Variants in NRXN3 observed in about 807,000 individuals in gnomAD.
NRXN3 encodes the protein neurexin III.
Under a neutral mutation model 137.6 loss-of-function variants are expected in NRXN3, and 32 were observed. That is an observed-to-expected ratio of 0.23 (90% CI 0.18 to 0.31). The LOEUF (loss-of-function observed/expected upper bound fraction) is 0.31, where lower values mean the gene tolerates loss of function less well. Among genes scored for constraint, NRXN3 ranks in the 10% least tolerant of loss-of-function variants. The pLI is 1.00. For synonymous variants in NRXN3, 798 were observed against 784.5 expected (o/e 1.02, Z -0.29); for missense variants, 1,574 against 2,062.5 (o/e 0.76, Z 4.59).
chr14:79,620,717 T>C (rs1461895002), intron 16 of NRXN3, among the ~76,000 whole-genome samples: 19 of 152,046 alleles, frequency 1.2e-4, no homozygotes, highest in Non-Finnish European at 2.9e-5. Flanking sequence ...TTTGAGATGA[T>C]AGAGAAACAG....
At chr14:78,513,947 A>G (rs951822341) in intron 4 of NRXN3, among the ~76,000 whole-genome samples, 1 of 152,098 alleles carries the variant, frequency 6.6e-6, no homozygotes, top group African/African-American at 2.4e-5. Flanking sequence ...TTCTTAAGGC[A>G]TGTTGTGTTC....
chr14:79,126,342 C>A (rs10133459), intron 15 of NRXN3, among the ~76,000 whole-genome samples: 135,201 of 137,434 alleles, frequency 0.98, 66,508 homozygotes, highest in African/African-American at 0.99. Flanking sequence ...ACCCCACGAC[C>A]GTCCCCAGAG....
chr14:79,858,663 C>T (rs1049947475), intron 20 of NRXN3, among the ~76,000 whole-genome samples: 1 of 152,084 alleles, frequency 6.6e-6, no homozygotes, highest in Non-Finnish European at 1.5e-5. Context: ...CTGCCTTGTC[C>T]TCTGAAGGTA....
chr14:78,986,157 C>T (rs972035762), intron 14 of NRXN3, among the ~76,000 whole-genome samples: 5 of 152,038 alleles, frequency 3.3e-5, no homozygotes, highest in Non-Finnish European at 5.9e-5. Flanking sequence ...AGTATTCTTG[C>T]TTTTGTGAGG....
intron 15 of NRXN3, among the ~76,000 whole-genome samples, chr14:79,356,072 T>G (rs1372172176): frequency 2.0e-5 from 3 of 152,166 alleles, no homozygotes; most frequent in Admixed American, 1.3e-4. Flanking sequence ...AAAATTAGTT[T>G]TGTATTTTTT....
chr14:79,405,626 T>C (rs911331809), intron 15 of NRXN3, among the ~76,000 whole-genome samples: 12 of 152,128 alleles, frequency 7.9e-5, no homozygotes, highest in Non-Finnish European at 1.2e-4. Flanking sequence ...ATGAGGTTTA[T>C]TGTTGAGGAA....
chr14:79,518,154 T>G (rs920605932), intron 16 of NRXN3, among the ~76,000 whole-genome samples: 36 of 151,982 alleles, frequency 2.4e-4, no homozygotes, highest in African/African-American at 8.2e-4. Flanking sequence ...ATCCACCCGC[T>G]TCAGCCTCCC....
chr14:78,920,801 G>A (rs1388568597), intron 10 of NRXN3, among the ~76,000 whole-genome samples: 1 of 152,136 alleles, frequency 6.6e-6, no homozygotes, highest in Non-Finnish European at 1.5e-5. Flanking sequence ...ATTCAACTTA[G>A]GAACAGCCAA....
intron 16 of NRXN3, among the ~76,000 whole-genome samples, chr14:79,594,677 T>C (rs1236077413): frequency 8.2e-6 from 1 of 121,648 alleles, no homozygotes; most frequent in Non-Finnish European, 1.6e-5. Context: ...GAATCACCTT[T>C]CTTCCAGGTC....
chr14:79,838,001 AT>A (rs2099347845), intron 20 of NRXN3, among the ~76,000 whole-genome samples: 2 of 152,194 alleles, frequency 1.3e-5, no homozygotes, highest in African/African-American at 4.8e-5. Flanking sequence ...CTATCAAAAA[AT>A]TCTACCTAGT....
intron 20 of NRXN3, among the ~76,000 whole-genome samples, chr14:79,809,509 A>G (rs1465062914): frequency 6.6e-6 from 1 of 152,164 alleles, no homozygotes; most frequent in Admixed American, 6.5e-5. Context: ...TGGGAACTAG[A>G]TTATTTTATA....
chr14:79,008,477 CA>C (rs1359596943), intron 15 of NRXN3, among the ~76,000 whole-genome samples: 1 of 152,082 alleles, frequency 6.6e-6, no homozygotes, highest in African/African-American at 2.4e-5. Context: ...GTCTACTACC[CA>C]ACTTAAGAGT....
chr14:79,023,193 C>G (rs1308025468), intron 15 of NRXN3, among the ~76,000 whole-genome samples: 1 of 146,642 alleles, frequency 6.8e-6, no homozygotes, highest in Non-Finnish European at 1.5e-5. Context: ...GAAATGTTGT[C>G]TTCTGAAAAT....
intron 4 of NRXN3, among the ~76,000 whole-genome samples, chr14:78,340,416 AACT>A (rs1484698186): frequency 6.6e-6 from 1 of 152,192 alleles, no homozygotes; most frequent in Non-Finnish European, 1.5e-5. Context: ...GATGGCTTAT[AACT>A]ACAATTATTT....
intron 4 of NRXN3, among the ~76,000 whole-genome samples, chr14:78,530,293 C>T (rs1055501590): frequency 5.3e-4 from 80 of 152,296 alleles, no homozygotes; most frequent in African/African-American, 1.9e-3. Context: ...TCTGTCACTC[C>T]CTGAACAGCA....
chr14:78,349,578 G>C (rs35057919), intron 4 of NRXN3, among the ~76,000 whole-genome samples: 2 of 152,130 alleles, frequency 1.3e-5, no homozygotes, highest in African/African-American at 4.8e-5. Context: ...ACTCATTTTA[G>C]CTTTCAATTA....
At chr14:79,251,081 T>A (rs1455996781) in intron 15 of NRXN3, among the ~76,000 whole-genome samples, 2 of 152,034 alleles carry the variant, frequency 1.3e-5, no homozygotes, top group Admixed American at 6.6e-5. Context: ...ACAGGGCTAG[T>A]TTGTAGAGGA....
chr14:79,388,215 A>T (rs1178973390), intron 15 of NRXN3, among the ~76,000 whole-genome samples: 1 of 152,070 alleles, frequency 6.6e-6, no homozygotes, highest in Admixed American at 6.6e-5. Flanking sequence ...TTCTGCCATG[A>T]GTAAAAGATC....
intron 2 of NRXN3, among the ~76,000 whole-genome samples, chr14:78,277,081 A>G (rs940095061): frequency 1.3e-5 from 2 of 152,104 alleles, no homozygotes; most frequent in African/African-American, 4.8e-5. Flanking sequence ...TACAGCTTCT[A>G]GGGGAGGCAA....
Sources: allele counts gnomAD v4.1 joint callset (sites outside exome capture counted in the v4.1 genomes callset), GRCh38; gene constraint gnomAD v4.1.1; transcripts MANE v1.5; gene names NCBI Gene and HGNC (gene_info 2026-07-23, HGNC 2026-07-21).